The following ARHGAP24 variants were observed in gnomAD, a reference collection of about 807,000 sequenced individuals.
ARHGAP24 encodes the protein rho GTPase-activating protein 24.
ARHGAP24 carries 50 observed loss-of-function variants against 76.4 expected under a neutral mutation model. That is an observed-to-expected ratio of 0.65 (90% CI 0.52 to 0.83). ARHGAP24 has a LOEUF of 0.83. ARHGAP24 is among the 40% of genes least tolerant of loss of function. The pLI, the probability that ARHGAP24 is intolerant of heterozygous loss-of-function variation, is 0.00. For missense variants in ARHGAP24, 930 were observed against 914.2 expected, an observed-to-expected ratio of 1.02 and a Z score of -0.22; for synonymous variants, 345 against 323.3, an observed-to-expected ratio of 1.07 and a Z score of -0.72.
intron 3 of ARHGAP24, among the ~76,000 whole-genome samples, chr4:85,728,704 G>A (rs1173336391): frequency 6.6e-6 from 1 of 152,120 alleles, no homozygotes; most frequent in Non-Finnish European, 1.5e-5. Flanking sequence ...TACATAATAG[G>A]CCAGCTGAGA....
At chr4:85,555,480 A>C (rs1372083490) in intron 1 of ARHGAP24, among the ~76,000 whole-genome samples, 1 of 152,156 alleles carries the variant, frequency 6.6e-6, no homozygotes, top group African/African-American at 2.4e-5. Flanking sequence ...AAGCATAATG[A>C]CCAGTAGGTA....
chr4:85,953,571 A>T (rs1276326532), intron 5 of ARHGAP24, among the ~76,000 whole-genome samples: 2 of 152,220 alleles, frequency 1.3e-5, no homozygotes, highest in East Asian at 3.9e-4. Context: ...CCCAGACCCC[A>T]CTTGCTCTCA....
chr4:85,584,332 A>G (rs552895667), intron 2 of ARHGAP24, among the ~76,000 whole-genome samples: 41 of 152,154 alleles, frequency 2.7e-4, no homozygotes, highest in Non-Finnish European at 4.7e-4. Context: ...TCAGTAAACT[A>G]TCACAAGGAC....
At chr4:85,692,182 T>C (rs1329692944) in intron 2 of ARHGAP24, among the ~76,000 whole-genome samples, 1 of 152,188 alleles carries the variant, frequency 6.6e-6, no homozygotes, top group Non-Finnish European at 1.5e-5. Flanking sequence ...TGTAAAGTTT[T>C]TGATGAAGAG....
chr4:85,973,844 T>G (rs199570113), intron 6 of ARHGAP24, among the ~76,000 whole-genome samples: 3 of 71,498 alleles, frequency 4.2e-5, no homozygotes, highest in South Asian at 9.5e-4. Context: ...TTTTTTTTTT[T>G]TTTTTTTTTT....
At position 85,672,967 on chromosome 4, in the gene ARHGAP24, G is replaced by A. The variant is rs555198335; in HGVS notation, c.181-48918G>A. ...TATATGCAACTCTTTCTCTGAGGGTGCTGGATTTCTTGTAGGTATTCAACT... is the reference window on the plus strand; with the variant it reads ...TATATGCAACTCTTTCTCTGAGGGTACTGGATTTCTTGTAGGTATTCAACT... On this transcript the variant is annotated intron_variant, in intron 2 of 9. Transcript: ENST00000395184. Among the ~76,000 whole-genome samples, 13 of 152,294 alleles carry A rather than the reference G, an allele frequency of 8.5e-5. 1 individual carries two copies. In the East Asian group the frequency reaches 2.5e-3, roughly 29 times the overall value.
chr4:85,667,315 T>C (rs1722666294), intron 2 of ARHGAP24, among the ~76,000 whole-genome samples: 1 of 152,144 alleles, frequency 6.6e-6, no homozygotes, highest in South Asian at 2.1e-4. Flanking sequence ...GTGCTGGATA[T>C]AATCTCCTGG....
chr4:85,705,539 A>G (rs1483251238), intron 2 of ARHGAP24, among the ~76,000 whole-genome samples: 1 of 152,196 alleles, frequency 6.6e-6, no homozygotes, highest in African/African-American at 2.4e-5. Context: ...GAATTCCATT[A>G]TGTAGATAGG....
rs1725001321 is a variant in ARHGAP24, at chr4:85,722,733, G to A, written c.268+761G>A. 3.9e-5 allele frequency among the ~76,000 whole-genome samples: 6 copies of A among 152,278 alleles called. 1 individual carries two copies. The highest frequency in any genetic ancestry group is 3.9e-4 in the Admixed American group (6 of 15,296). ...CCTTATCCCTCAATGTAAGAAAAAG[G>A]GAGGTAGGAATCTGGCTCCGGTTGA... On this transcript the variant is annotated intron_variant, in intron 3 of 9. Coordinates refer to ENST00000395184, the MANE Select transcript of ARHGAP24 (RefSeq NM_001025616.3).
intron 2 of ARHGAP24, among the ~76,000 whole-genome samples, chr4:85,715,477 G>T (rs976497760): frequency 6.6e-6 from 1 of 152,002 alleles, no homozygotes; most frequent in African/African-American, 2.4e-5. Flanking sequence ...TAACAATGAT[G>T]CCATGAAGTA....
At chr4:85,791,436 C>T (rs1728121462) in intron 3 of ARHGAP24, among the ~76,000 whole-genome samples, 1 of 152,048 alleles carries the variant, frequency 6.6e-6, no homozygotes, top group African/African-American at 2.4e-5. Flanking sequence ...GTTAAAATAC[C>T]AAGATAGTTA....
intron 3 of ARHGAP24, among the ~76,000 whole-genome samples, chr4:85,780,815 T>A (rs1022220085): frequency 1.3e-5 from 2 of 152,246 alleles, no homozygotes; most frequent in African/African-American, 4.8e-5. Context: ...AGTTCTTAGT[T>A]GTGTTCTGTA....
intron 2 of ARHGAP24, among the ~76,000 whole-genome samples, chr4:85,656,017 T>C (rs953266307): frequency 6.6e-6 from 1 of 152,060 alleles, no homozygotes; most frequent in Non-Finnish European, 1.5e-5. Context: ...TTTCCTTAAC[T>C]GGCAAATAAA....
At chr4:85,692,923 G>T (rs1309710235) in intron 2 of ARHGAP24, among the ~76,000 whole-genome samples, 2 of 152,122 alleles carry the variant, frequency 1.3e-5, no homozygotes, top group Non-Finnish European at 2.9e-5. Flanking sequence ...TCACCTGGGA[G>T]GGTTAGTGTT....
intron 1 of ARHGAP24, among the ~76,000 whole-genome samples, chr4:85,506,844 G>T (rs1328137008): frequency 6.6e-6 from 1 of 152,114 alleles, no homozygotes; most frequent in Non-Finnish European, 1.5e-5. Flanking sequence ...GCTGGGAGCT[G>T]CAGACTGGAG....
intron 3 of ARHGAP24, among the ~76,000 whole-genome samples, chr4:85,831,840 T>C (rs1730007426): frequency 6.6e-6 from 1 of 150,766 alleles, no homozygotes; most frequent in Non-Finnish European, 1.5e-5. Flanking sequence ...AAGTCAAGGC[T>C]GCAGTGAGCT....
intron 2 of ARHGAP24, among the ~76,000 whole-genome samples, chr4:85,601,048 G>A (rs1405318581): frequency 1.3e-5 from 2 of 152,132 alleles, no homozygotes; most frequent in Admixed American, 6.5e-5. Context: ...GTATTTTAAT[G>A]ACTTGTTACA....
chr4:85,533,001 A>G lies in ARHGAP24; in HGVS notation c.-20-37521A>G, dbSNP rs116329111. ...AAGACCATGGGGTGACACCTGGAAC[A>G]AAGTCATCTTCAAGGACATCTTCAA... On this transcript the variant is annotated intron_variant, in intron 1 of 9. Coordinates refer to ENST00000395184, the MANE Select transcript of ARHGAP24 (RefSeq NM_001025616.3). 4.0e-3 allele frequency among the ~76,000 whole-genome samples: 609 copies of G among 152,344 alleles called. 3 individuals carry two copies. Among genetic ancestry groups the G allele is most frequent in the African/African-American group, 0.014 (570 of 41,586 alleles).
chr4:85,627,255 T>G (rs573241168), intron 2 of ARHGAP24, among the ~76,000 whole-genome samples: 1 of 151,806 alleles, frequency 6.6e-6, no homozygotes, highest in African/African-American at 2.4e-5. Flanking sequence ...GTTTTTGGTG[T>G]GAATGTCCTT....
Sources: gnomAD v4.1 joint callset for allele counts (sites outside exome capture counted in the v4.1 genomes callset) on GRCh38, gnomAD v4.1.1 for gene constraint, MANE v1.5 for transcripts, NCBI Gene and HGNC (gene_info 2026-07-23, HGNC 2026-07-21) for gene names.